The following ZFHX3 variants were observed in gnomAD, a reference collection of about 807,000 sequenced individuals.
The protein encoded by ZFHX3 is zinc finger homeobox protein 3.
A neutral mutation model predicts 279.1 loss-of-function variants in ZFHX3; 42 were observed. The ratio of observed to expected loss-of-function variants is 0.15; its 90% confidence interval spans 0.12 to 0.19. The LOEUF is 0.19. Among genes scored for constraint, ZFHX3 ranks in the 10% least tolerant of loss-of-function variants. The pLI is 1.00. For missense variants in ZFHX3, 4,981 were observed against 4,754.0 expected, an observed-to-expected ratio of 1.05 and a Z score of -1.40; for synonymous variants, 2,293 against 1,957.8, an observed-to-expected ratio of 1.17 and a Z score of -4.52.
chr16:72,982,148 G>A (rs950820303), intron 1 of ZFHX3, among the ~76,000 whole-genome samples: 2 of 152,094 alleles, frequency 1.3e-5, no homozygotes, highest in East Asian at 1.9e-4. Flanking sequence ...CTCCCAAAGC[G>A]CTGTGATTAC....
intron 4 of ZFHX3, among the ~76,000 whole-genome samples, chr16:73,290,032 CACACACACACACACACACAT>C (rs1269818554): frequency 6.9e-6 from 1 of 145,664 alleles, no homozygotes; most frequent in Non-Finnish European, 1.5e-5. Context: ...CACACACACA[CACACACACACACACACACAT>C]ATAGACATTT....
chr16:73,195,023 G>C (rs897167270), intron 5 of ZFHX3, among the ~76,000 whole-genome samples: 2 of 152,172 alleles, frequency 1.3e-5, no homozygotes, highest in African/African-American at 4.8e-5. Flanking sequence ...AATTTGGTAG[G>C]AATTAAGGGT....
chr16:73,482,034 A>G (rs1480050463), intron 2 of ZFHX3, among the ~76,000 whole-genome samples: 3 of 152,178 alleles, frequency 2.0e-5, no homozygotes, highest in Non-Finnish European at 4.4e-5. Context: ...AGGCCCTTTG[A>G]CATCTCTGAA....
At chr16:73,397,857 C>G (rs1157846815) in intron 3 of ZFHX3, among the ~76,000 whole-genome samples, 1 of 152,064 alleles carries the variant, frequency 6.6e-6, no homozygotes, top group East Asian at 1.9e-4. Context: ...GCTTTTGTTT[C>G]TTTTGGAGAT....
At chr16:73,326,567 A>G (rs577979908) in intron 3 of ZFHX3, among the ~76,000 whole-genome samples, 3 of 152,348 alleles carry the variant, frequency 2.0e-5, no homozygotes, top group African/African-American at 4.8e-5. Context: ...AGGCAAACCT[A>G]TAGAGACAGA....
chr16:73,887,167 T>C (rs2030373933), intron 1 of ZFHX3, among the ~76,000 whole-genome samples: 1 of 152,146 alleles, frequency 6.6e-6, no homozygotes, highest in Non-Finnish European at 1.5e-5. Context: ...TGCTAAGGAT[T>C]ATAAAATAAA....
At chr16:73,034,940 A>G (rs1396500787) in intron 1 of ZFHX3, among the ~76,000 whole-genome samples, 1 of 152,204 alleles carries the variant, frequency 6.6e-6, no homozygotes, top group Non-Finnish European at 1.5e-5. Context: ...CCCATTCCCC[A>G]GTAAATGCAA....
chr16:73,072,236 G>A (rs924979033), intron 8 of ZFHX3, among the ~76,000 whole-genome samples: 2 of 152,150 alleles, frequency 1.3e-5, no homozygotes, highest in Non-Finnish European at 1.5e-5. Context: ...CTGGAGGTCA[G>A]GAGTTCAAGA....
At chr16:73,356,474 C>T (rs191324518) in intron 3 of ZFHX3, among the ~76,000 whole-genome samples, 2 of 152,162 alleles carry the variant, frequency 1.3e-5, no homozygotes, top group Admixed American at 1.3e-4. Context: ...TTGTCTTCAA[C>T]TTGTCCCCAC....
At chr16:73,887,715 T>A (rs1465471749) in intron 1 of ZFHX3, among the ~76,000 whole-genome samples, 2 of 152,188 alleles carry the variant, frequency 1.3e-5, no homozygotes, top group African/African-American at 4.8e-5. Context: ...AATAATAATT[T>A]TAAAGTTTTC....
chr16:72,985,971 T>G (rs1174453143), intron 1 of ZFHX3, among the ~76,000 whole-genome samples: 1 of 152,150 alleles, frequency 6.6e-6, no homozygotes, highest in African/African-American at 2.4e-5. Flanking sequence ...TGCAAGATGC[T>G]CCCAGCGCTT....
intron 1 of ZFHX3, among the ~76,000 whole-genome samples, chr16:73,810,090 A>T (rs943697969): frequency 2.6e-5 from 4 of 152,180 alleles, no homozygotes; most frequent in Non-Finnish European, 4.4e-5. Flanking sequence ...TAGAGTCTAT[A>T]TATGAGGCTT....
chr16:73,253,433 T>C (rs934903349), intron 5 of ZFHX3, among the ~76,000 whole-genome samples: 1 of 147,542 alleles, frequency 6.8e-6, no homozygotes, highest in Non-Finnish European at 1.5e-5. Flanking sequence ...GTTGGATTGG[T>C]TGTATGATTT....
intron 3 of ZFHX3, among the ~76,000 whole-genome samples, chr16:72,939,756 C>G (rs919099225): frequency 6.6e-6 from 1 of 152,152 alleles, no homozygotes; most frequent in South Asian, 2.1e-4. Flanking sequence ...GGTATGGTGG[C>G]AGGCGCCTGT....
chr16:72,851,067 T>A (rs35868667), intron 4 of ZFHX3, among the ~76,000 whole-genome samples: 1 of 152,106 alleles, frequency 6.6e-6, no homozygotes, highest in Non-Finnish European at 1.5e-5. Context: ...AGCAGAAATA[T>A]TTCCTTTCAC....
chr16:72,851,063 A>G (rs1398208548), intron 4 of ZFHX3, among the ~76,000 whole-genome samples: 1 of 152,100 alleles, frequency 6.6e-6, no homozygotes, highest in African/African-American at 2.4e-5. Context: ...AAACAGCAGA[A>G]ATATTTCCTT....
intron 3 of ZFHX3, among the ~76,000 whole-genome samples, chr16:73,417,916 G>T (rs2017624433): frequency 6.7e-6 from 1 of 149,724 alleles, no homozygotes. Flanking sequence ...GTGAACCCAG[G>T]AGGCGGAGCT....
At chr16:73,201,673 A>C (rs554335499) in intron 5 of ZFHX3, among the ~76,000 whole-genome samples, 8 of 152,240 alleles carry the variant, frequency 5.3e-5, no homozygotes, top group Non-Finnish European at 1.0e-4. Context: ...GAAACGCTCT[A>C]CTAGAGCAAG....
At chr16:72,812,176 C>T (rs1289849387) in intron 5 of ZFHX3, 138 bp from the exon 6 acceptor site, 14 of 1,229,634 alleles carry the variant, frequency 1.1e-5, no homozygotes, top group South Asian at 8.2e-5. Context: ...GATGAACATC[C>T]GGACTGATTT....
Sources: gnomAD v4.1 joint callset for allele counts (sites outside exome capture counted in the v4.1 genomes callset) on GRCh38, gnomAD v4.1.1 for gene constraint, MANE v1.5 for transcripts, NCBI Gene and HGNC (gene_info 2026-07-23, HGNC 2026-07-21) for gene names.